Variants in TGFB2 observed in about 807,000 individuals in gnomAD.
TGFB2 encodes transforming growth factor beta 2.
In TGFB2, 13 loss-of-function variants were observed where a neutral mutation model predicts 42.7. The observed-to-expected ratio is 0.30, with a 90% CI of 0.20 to 0.48. The LOEUF is 0.48. Ranked by LOEUF, TGFB2 falls within the 20% of genes least tolerant of loss-of-function variation. The probability of loss-of-function intolerance (pLI) is 0.99; values close to 1 mark genes in which losing one functional copy is unlikely to be tolerated. For missense variants in TGFB2, 390 were observed against 517.5 expected, an observed-to-expected ratio of 0.75 and a Z score of 2.39; for synonymous variants, 193 against 193.6, an observed-to-expected ratio of 1.00 and a Z score of 0.03.
intron 1 of TGFB2, among the ~76,000 whole-genome samples, chr1:218,389,771 A>G (rs1411756369): frequency 6.6e-6 from 1 of 152,230 alleles, no homozygotes; most frequent in African/African-American, 2.4e-5. Context: ...TGTAGAAGTC[A>G]CTATTTTTTC....
Position 218,379,960 on chromosome 1 carries a change from G to A in TGFB2, c.347-25209G>A, listed in dbSNP as rs140892668. ...TAACAATAACAACAATAATAATACC[G>A]ATGCGGTGCTTCATATACTCCAGGC... On this transcript the variant is annotated intron_variant, in intron 1 of 6. Coordinates refer to ENST00000366930, the MANE Select transcript of TGFB2 (RefSeq NM_003238.6). Among the ~76,000 whole-genome samples the A allele has an allele frequency of 5.8e-4, 88 of 152,120 alleles. 2 individuals are homozygous for A. In the East Asian group the frequency reaches 0.013, roughly 23 times the overall value.
chr1:218,424,210 T>A (rs766201670), intron 2 of TGFB2, among the ~76,000 whole-genome samples: 19 of 152,224 alleles, frequency 1.2e-4, no homozygotes, highest in Non-Finnish European at 2.5e-4. Context: ...GTTTTGGCCT[T>A]ATGATTTTAA....
At chr1:218,419,054 T>C (rs1359661697) in intron 2 of TGFB2, among the ~76,000 whole-genome samples, 1 of 152,192 alleles carries the variant, frequency 6.6e-6, no homozygotes, top group East Asian at 1.9e-4. Flanking sequence ...AAAATATTGG[T>C]CAGATCAAAG....
At chr1:218,375,278 C>T (rs1367690278) in intron 1 of TGFB2, among the ~76,000 whole-genome samples, 2 of 151,942 alleles carry the variant, frequency 1.3e-5, no homozygotes, top group African/African-American at 4.8e-5. Flanking sequence ...ACACATGAGC[C>T]AACAATAACT....
At position 218,442,862 on chromosome 1, in the gene TGFB2, T is replaced by C. The variant is rs1474188377; in HGVS notation, c.*1500T>C. The stretch of plus-strand genomic sequence containing the variant: ...TTAGGGTTCTAACTAAAACTCAGAA[T>C]CTTTATTGAGTTAAGAAAAGTTTCT... On this transcript the variant is annotated 3_prime_UTR_variant, in exon 7 of 7. Coordinates refer to ENST00000366930, the MANE Select transcript of TGFB2 (RefSeq NM_003238.6). The C allele has an allele frequency of 6.6e-6, 1 of 152,140 alleles. No individual in the cohort carries two copies. The highest frequency in any genetic ancestry group is 2.4e-5 in the African/African-American group (1 of 41,448). The allele number at this position is 152,140 out of a possible 1,614,324, so 9.4% of individuals were successfully genotyped here. A position where few individuals can be genotyped will look rare whatever the true frequency, so the allele number is the denominator to read the frequency against.
intron 1 of TGFB2, among the ~76,000 whole-genome samples, chr1:218,348,359 G>T (rs1400830186): frequency 6.6e-6 from 1 of 152,132 alleles, no homozygotes; most frequent in Non-Finnish European, 1.5e-5. Context: ...GGTTCTAGTT[G>T]CAGGGTGGTG....
intron 1 of TGFB2, among the ~76,000 whole-genome samples, chr1:218,384,104 C>T (rs535912835): frequency 5.7e-4 from 80 of 140,304 alleles, no homozygotes; most frequent in African/African-American, 2.0e-3. Context: ...TCTTCTAGAA[C>T]ATCTTGATTC....
intron 2 of TGFB2, among the ~76,000 whole-genome samples, chr1:218,410,375 C>T (rs538355670): frequency 1.3e-5 from 2 of 152,294 alleles, no homozygotes; most frequent in South Asian, 4.1e-4. Flanking sequence ...TCACTCTGAG[C>T]TTGTTTAAAC....
At chr1:218,373,461 A>C (rs568250163) in intron 1 of TGFB2, among the ~76,000 whole-genome samples, 12 of 151,854 alleles carry the variant, frequency 7.9e-5, no homozygotes, top group African/African-American at 2.7e-4. Flanking sequence ...TAGTAATATG[A>C]TTAGTTATAA....
chr1:218,389,505 G>C (rs1352824571), intron 1 of TGFB2, among the ~76,000 whole-genome samples: 2 of 152,184 alleles, frequency 1.3e-5, no homozygotes, highest in Non-Finnish European at 2.9e-5. Context: ...GCTACAGTCA[G>C]ACAGCAGCAC....
intron 2 of TGFB2, among the ~76,000 whole-genome samples, chr1:218,418,778 A>G (rs1659361516): frequency 6.6e-6 from 1 of 152,090 alleles, no homozygotes; most frequent in Non-Finnish European, 1.5e-5. Flanking sequence ...GATAAGTCTC[A>G]TGATATGATG....
chr1:218,367,798 TTTC>T (rs915756264), intron 1 of TGFB2, among the ~76,000 whole-genome samples: 2 of 152,168 alleles, frequency 1.3e-5, no homozygotes, highest in Non-Finnish European at 1.5e-5. Context: ...GTTCATTTTT[TTTC>T]TTCTTCTTCT....
chr1:218,416,121 A>G (rs189598350), intron 2 of TGFB2, among the ~76,000 whole-genome samples: 1 of 145,736 alleles, frequency 6.9e-6, no homozygotes, highest in East Asian at 2.0e-4. Flanking sequence ...TGCAGTGCTG[A>G]ACTGGGGGCT....
At chr1:218,357,959 A>T (rs1456989896) in intron 1 of TGFB2, among the ~76,000 whole-genome samples, 1 of 152,160 alleles carries the variant, frequency 6.6e-6, no homozygotes, top group Non-Finnish European at 1.5e-5. Flanking sequence ...GAAAAAGAAA[A>T]ACGTTGTGAC....
intron 1 of TGFB2, among the ~76,000 whole-genome samples, chr1:218,354,659 G>C (rs1656975305): frequency 6.6e-6 from 1 of 152,142 alleles, no homozygotes; most frequent in Non-Finnish European, 1.5e-5. Flanking sequence ...GGTAATAGGA[G>C]CCCTAATACA....
chr1:218,377,063 T>A (rs926170541), intron 1 of TGFB2, among the ~76,000 whole-genome samples: 15 of 149,876 alleles, frequency 1.0e-4, no homozygotes, highest in South Asian at 2.1e-4. Context: ...CTGGCTAATT[T>A]AAAAAAAAAA....
At chr1:218,366,750 C>G (rs970985213) in intron 1 of TGFB2, among the ~76,000 whole-genome samples, 2 of 152,208 alleles carry the variant, frequency 1.3e-5, no homozygotes, top group Non-Finnish European at 2.9e-5. Context: ...TTTAAACAGG[C>G]ACTGCAGGTG....
chr1:218,372,797 A>G (rs984809430), intron 1 of TGFB2, among the ~76,000 whole-genome samples: 1 of 152,186 alleles, frequency 6.6e-6, no homozygotes, highest in Non-Finnish European at 1.5e-5. Flanking sequence ...AGCACTTAAC[A>G]TATTACTTAT....
At chr1:218,422,910 A>G (rs1378181522) in intron 2 of TGFB2, among the ~76,000 whole-genome samples, 1 of 152,246 alleles carries the variant, frequency 6.6e-6, no homozygotes, top group Non-Finnish European at 1.5e-5. Context: ...ACTCAAGTGC[A>G]TACAAGATGC....
Sources: gnomAD v4.1 joint callset for allele counts (sites outside exome capture counted in the v4.1 genomes callset) on GRCh38, gnomAD v4.1.1 for gene constraint, MANE v1.5 for transcripts, NCBI Gene and HGNC (gene_info 2026-07-23, HGNC 2026-07-21) for gene names.